EDC3: variants seen among roughly 807,000 people sequenced by gnomAD.
The protein encoded by EDC3 is enhancer of mRNA-decapping protein 3.
EDC3 carries 20 observed loss-of-function variants against 41.8 expected under a neutral mutation model. That is an observed-to-expected ratio of 0.48 (90% confidence interval 0.34 to 0.70). EDC3 has a LOEUF of 0.70. EDC3 is among the 30% of genes least tolerant of loss of function. The pLI is 0.01. For missense variants in EDC3, 444 were observed against 636.8 expected, an observed-to-expected ratio of 0.70 and a Z score of 3.26; for synonymous variants, 206 against 243.2, an observed-to-expected ratio of 0.85 and a Z score of 1.42.
chr15:74,631,080 C>T lies in EDC3; in HGVS notation c.*1532G>A. The stretch of plus-strand genomic sequence containing the variant: ...CAGCACAAGGGTTACAGTCCCTGGC[C>T]TCTTCCCATCGCTGGAGACAATTTA... On this transcript the variant is annotated 3_prime_UTR_variant, in exon 7 of 7. Coordinates refer to ENST00000315127, the MANE Select transcript of EDC3 (RefSeq NM_025083.5). 6.6e-6 allele frequency: 1 copy of T among 152,400 alleles called. No individual in the cohort carries two copies. Among genetic ancestry groups the T allele is most frequent in the Non-Finnish European group, 1.5e-5 (1 of 68,066 alleles). 9.4% of individuals were successfully genotyped at this position (152,400 alleles called of 1,614,324 possible).
At chr15:74,676,797 G>C (rs1050734384) in intron 1 of EDC3, 4 of 152,160 alleles carry the variant, frequency 2.6e-5, no homozygotes, top group African/African-American at 9.7e-5. Context: ...TGAACAACCT[G>C]ATGAAACAAT....
At chr15:74,662,290 T>C (rs2062629176) in intron 3 of EDC3, among the ~76,000 whole-genome samples, 1 of 152,154 alleles carries the variant, frequency 6.6e-6, no homozygotes, top group South Asian at 2.1e-4. Flanking sequence ...GTGTTCTTGC[T>C]CTAACTTCCC....
chr15:74,658,228 T>C (rs1328591290), intron 3 of EDC3, among the ~76,000 whole-genome samples: 1 of 152,126 alleles, frequency 6.6e-6, no homozygotes, highest in Non-Finnish European at 1.5e-5. Context: ...CTTCAATTAC[T>C]GAAAACACTC....
chr15:74,662,142 T>C (rs139427950), intron 3 of EDC3, among the ~76,000 whole-genome samples: 3 of 152,210 alleles, frequency 2.0e-5, no homozygotes, highest in Non-Finnish European at 4.4e-5. Flanking sequence ...ATTTTTGCTA[T>C]TACAGACTCG....
chr15:74,639,908 G>C (rs1425194640), intron 5 of EDC3: 1 of 152,594 alleles, frequency 6.6e-6, no homozygotes, highest in Non-Finnish European at 1.5e-5. Flanking sequence ...GACCTCATTG[G>C]GCTACTAGAG....
intron 1 of EDC3, among the ~76,000 whole-genome samples, chr15:74,686,654 C>T (rs551272130): frequency 2.6e-5 from 4 of 152,186 alleles, no homozygotes; most frequent in Admixed American, 2.6e-4. Context: ...GTGGTGGGTG[C>T]CTGTAATCCC....
At chr15:74,661,155 T>C (rs1381219026) in intron 3 of EDC3, among the ~76,000 whole-genome samples, 1 of 152,224 alleles carries the variant, frequency 6.6e-6, no homozygotes, top group African/African-American at 2.4e-5. Context: ...ATAATACTAA[T>C]GTAATCATAA....
At chr15:74,677,988 A>C (rs1027432930) in intron 1 of EDC3, among the ~76,000 whole-genome samples, 1 of 152,020 alleles carries the variant, frequency 6.6e-6, no homozygotes, top group African/African-American at 2.4e-5. Context: ...GAAAGAAGCC[A>C]ATGTGAAAAG....
At chr15:74,682,436 G>A (rs1263356648) in intron 1 of EDC3, among the ~76,000 whole-genome samples, 1 of 151,698 alleles carries the variant, frequency 6.6e-6, no homozygotes, top group African/African-American at 2.4e-5. Flanking sequence ...GGCTAACACG[G>A]TGAAACCCCG....
intron 4 of EDC3, among the ~76,000 whole-genome samples, chr15:74,647,104 G>C (rs1476372942): frequency 6.6e-6 from 1 of 151,606 alleles, no homozygotes; most frequent in East Asian, 1.9e-4. Flanking sequence ...CCACCTCCTG[G>C]GTTCAAGTGA....
intron 4 of EDC3, chr15:74,640,909 TAGTGCTATCGAGACC>T: frequency 2.5e-6 from 1 of 399,608 alleles, no homozygotes; most frequent in Non-Finnish European, 4.6e-6. Flanking sequence ...AGGATATATT[TAGTGCTATCGAGACC>T]AGCACACAGC....
At chr15:74,659,130 A>G (rs562688345) in intron 3 of EDC3, among the ~76,000 whole-genome samples, 2 of 152,140 alleles carry the variant, frequency 1.3e-5, no homozygotes, top group African/African-American at 2.4e-5. Context: ...AGGTGCTAGG[A>G]TGATAAAATA....
At chr15:74,639,714 CAAAAAAAA>C (rs796461708) in intron 5 of EDC3, 2 of 101,726 alleles carry the variant, frequency 2.0e-5, no homozygotes, top group Non-Finnish European at 4.2e-5. Flanking sequence ...GAACCTGTCT[CAAAAAAAA>C]AAAAAAAAAG....
chr15:74,651,570 C>A (rs2062480954), intron 4 of EDC3, among the ~76,000 whole-genome samples: 1 of 152,220 alleles, frequency 6.6e-6, no homozygotes, highest in African/African-American at 2.4e-5. Context: ...AGGGCACCAG[C>A]AGCAAGCTGT....
At chr15:74,661,608 G>A (rs2062621050) in intron 3 of EDC3, among the ~76,000 whole-genome samples, 1 of 151,820 alleles carries the variant, frequency 6.6e-6, no homozygotes, top group Non-Finnish European at 1.5e-5. Flanking sequence ...GAATACACCT[G>A]TAATCCCAGC....
In EDC3 at chr15:74,675,093, G is replaced by A; in HGVS notation, c.32C>T (p.Ser11Phe). MATDWLGSIV[S>F]INCGDSLGVY... ...ACCCAAGCTATCTCCACAATTGATG[G>A]ACACAATACTTCCCAGCCAATCTGT... The change falls in exon 2 of 7, where the codon TCC becomes TTC. Residue 11 changes from serine to phenylalanine, a missense_variant. By Grantham distance (155) the Ser-to-Phe change is radical. Coordinates refer to ENST00000315127, the MANE Select transcript of EDC3 (RefSeq NM_025083.5). 6.2e-7 allele frequency: 1 copy of A among 1,613,666 alleles called. No homozygotes were observed. The highest frequency in any genetic ancestry group is 8.5e-7 in the Non-Finnish European group (1 of 1,180,032).
chr15:74,667,604 T>G (rs997045396), intron 3 of EDC3, among the ~76,000 whole-genome samples: 1 of 150,930 alleles, frequency 6.6e-6, no homozygotes, highest in African/African-American at 2.4e-5. Flanking sequence ...AAATCCACAA[T>G]GATTGGAGTA....
chr15:74,666,097 C>T (rs79942324), intron 3 of EDC3, among the ~76,000 whole-genome samples: 5,151 of 151,992 alleles, frequency 0.034, 307 homozygotes, highest in African/African-American at 0.12. Flanking sequence ...CACACCCGGC[C>T]GACAGATTAT....
intron 4 of EDC3, among the ~76,000 whole-genome samples, chr15:74,647,935 C>T (rs1201077413): frequency 6.6e-6 from 1 of 152,176 alleles, no homozygotes; most frequent in African/African-American, 2.4e-5. Flanking sequence ...GAATAACATC[C>T]TTGTGGCACC....
Sources: gnomAD v4.1 joint callset for allele counts (sites outside exome capture counted in the v4.1 genomes callset) on GRCh38, gnomAD v4.1.1 for gene constraint, MANE v1.5 for transcripts, NCBI Gene and HGNC (gene_info 2026-07-23, HGNC 2026-07-21) for gene names.